Variants in SPAG16 observed in about 807,000 individuals in gnomAD.
SPAG16 encodes the protein sperm-associated antigen 16 protein.
A neutral mutation model predicts 80.4 loss-of-function variants in SPAG16; 86 were observed. The ratio of observed to expected loss-of-function variants is 1.07; its 90% CI spans 0.90 to 1.28. The LOEUF is 1.28. SPAG16 is among the 50% of genes most tolerant of loss of function. The probability of loss-of-function intolerance (pLI) is 0.00; values close to 1 mark genes in which losing one functional copy is unlikely to be tolerated. For synonymous variants in SPAG16, 294 were observed against 265.9 expected, an observed-to-expected ratio of 1.11 and a Z score of -1.03; for missense variants, 870 against 765.3, an observed-to-expected ratio of 1.14 and a Z score of -1.61.
At chr2:213,928,498 T>C (rs1429222934) in intron 11 of SPAG16, among the ~76,000 whole-genome samples, 1 of 152,168 alleles carries the variant, frequency 6.6e-6, no homozygotes, top group Non-Finnish European at 1.5e-5. Context: ...GTTTCTACGC[T>C]GCAGATAGAA....
intron 5 of SPAG16, among the ~76,000 whole-genome samples, chr2:213,330,200 G>A (rs1327541313): frequency 6.6e-6 from 1 of 151,870 alleles, no homozygotes; most frequent in Non-Finnish European, 1.5e-5. Context: ...GGAGCTGTGA[G>A]AAGAGGGCCA....
At chr2:213,668,689 C>A (rs2125211599) in intron 10 of SPAG16, among the ~76,000 whole-genome samples, 1 of 152,200 alleles carries the variant, frequency 6.6e-6, no homozygotes, top group East Asian at 1.9e-4. Context: ...ACCCAGAGTA[C>A]AATGGCTGGA....
chr2:213,361,796 C>CACACAT (rs1459384142), intron 7 of SPAG16, among the ~76,000 whole-genome samples: 1 of 144,958 alleles, frequency 6.9e-6, no homozygotes, highest in East Asian at 2.1e-4. Flanking sequence ...ATGCCACACA[C>CACACAT]ACACACACAC....
At chr2:214,085,091 G>A (rs530190636) in intron 13 of SPAG16, among the ~76,000 whole-genome samples, 116 of 152,172 alleles carry the variant, frequency 7.6e-4, no homozygotes, top group African/African-American at 2.6e-3. Context: ...AAATAGAGAA[G>A]GTAAGTCCAA....
At chr2:213,858,340 G>A (rs994194701) in intron 10 of SPAG16, among the ~76,000 whole-genome samples, 65 of 152,016 alleles carry the variant, frequency 4.3e-4, no homozygotes, top group African/African-American at 1.5e-3. Context: ...TAGCCTTCAG[G>A]AACCACAACT....
chr2:214,183,035 G>A (rs560070514), intron 15 of SPAG16, among the ~76,000 whole-genome samples: 5 of 151,844 alleles, frequency 3.3e-5, no homozygotes, highest in African/African-American at 4.8e-5. Flanking sequence ...CTAACCATTG[G>A]TTATTTTCCT....
At chr2:213,608,336 C>T (rs1477745287) in intron 10 of SPAG16, among the ~76,000 whole-genome samples, 1 of 152,128 alleles carries the variant, frequency 6.6e-6, no homozygotes, top group African/African-American at 2.4e-5. Flanking sequence ...CCCCCCACCC[C>T]ACAACAGTCC....
At chr2:214,070,010 T>C (rs756623781) in intron 13 of SPAG16, among the ~76,000 whole-genome samples, 1 of 152,136 alleles carries the variant, frequency 6.6e-6, no homozygotes, top group East Asian at 1.9e-4. Context: ...TATATGTGTT[T>C]TGGCAATTTT....
At chr2:213,402,552 A>C (rs2068372526) in intron 9 of SPAG16, among the ~76,000 whole-genome samples, 1 of 151,636 alleles carries the variant, frequency 6.6e-6, no homozygotes, top group South Asian at 2.1e-4. Context: ...CATTAGGTAT[A>C]TCTCCTAATG....
intron 12 of SPAG16, among the ~76,000 whole-genome samples, chr2:213,970,682 A>G (rs188067319): frequency 5.3e-5 from 8 of 152,332 alleles, no homozygotes; most frequent in Non-Finnish European, 8.8e-5. Flanking sequence ...TTTTTAGATG[A>G]AAGTACATCC....
chr2:213,300,729 T>C (rs2062708145), intron 3 of SPAG16, among the ~76,000 whole-genome samples: 1 of 152,136 alleles, frequency 6.6e-6, no homozygotes, highest in African/African-American at 2.4e-5. Context: ...TATTTTAAAG[T>C]AAATAAATGA....
intron 15 of SPAG16, among the ~76,000 whole-genome samples, chr2:214,351,384 G>A (rs1559234322): frequency 1.3e-5 from 2 of 151,068 alleles, no homozygotes; most frequent in Non-Finnish European, 2.9e-5. Context: ...GATTGTCTGT[G>A]TGTCTGTGTG....
chr2:213,869,264 A>ATATATAT (rs1553648743), intron 11 of SPAG16, among the ~76,000 whole-genome samples: 5 of 63,596 alleles, frequency 7.9e-5, no homozygotes, highest in East Asian at 8.5e-4. Flanking sequence ...AAAAAAAAAA[A>ATATATAT]ATATATATAT....
At chr2:213,496,497 C>T (rs1458432863) in intron 10 of SPAG16, among the ~76,000 whole-genome samples, 3 of 152,044 alleles carry the variant, frequency 2.0e-5, no homozygotes, top group African/African-American at 7.2e-5. Flanking sequence ...GTGTATGCTG[C>T]CTAGCGAACA....
At chr2:213,349,289 C>G (rs1230990893) in intron 6 of SPAG16, among the ~76,000 whole-genome samples, 1 of 151,974 alleles carries the variant, frequency 6.6e-6, no homozygotes, top group Non-Finnish European at 1.5e-5. Flanking sequence ...GAGCAAATTA[C>G]AACCAAGAAA....
At chr2:213,962,194 T>TA (rs2044471330) in intron 12 of SPAG16, among the ~76,000 whole-genome samples, 1 of 151,380 alleles carries the variant, frequency 6.6e-6, no homozygotes, top group South Asian at 2.1e-4. Context: ...ATCCTTTTTT[T>TA]ATGTTTTTTT....
At chr2:214,251,544 A>G (rs1690293619) in intron 15 of SPAG16, among the ~76,000 whole-genome samples, 1 of 152,120 alleles carries the variant, frequency 6.6e-6, no homozygotes, top group South Asian at 2.1e-4. Flanking sequence ...TCATGTGCTA[A>G]TGCTCAATAT....
chr2:213,663,064 T>G (rs1228321178), intron 10 of SPAG16, among the ~76,000 whole-genome samples: 1 of 152,130 alleles, frequency 6.6e-6, no homozygotes, highest in Non-Finnish European at 1.5e-5. Context: ...CTGAGAATTT[T>G]CAGGTTAATT....
chr2:214,115,585 A>T (rs919493040), intron 14 of SPAG16, among the ~76,000 whole-genome samples: 15 of 152,196 alleles, frequency 9.9e-5, no homozygotes, highest in Non-Finnish European at 2.9e-5. Flanking sequence ...GGTGGAATAA[A>T]AAGTAACCCT....
Sources: gnomAD v4.1 joint callset for allele counts (sites outside exome capture counted in the v4.1 genomes callset) on GRCh38, gnomAD v4.1.1 for gene constraint, MANE v1.5 for transcripts, NCBI Gene and HGNC (gene_info 2026-07-23, HGNC 2026-07-21) for gene names.